Variants in PPM1E observed in about 807,000 individuals in gnomAD.
PPM1E encodes protein phosphatase, Mg2+/Mn2+ dependent 1E.
Under a neutral mutation model 65.9 loss-of-function variants are expected in PPM1E, and 20 were observed. That is an observed-to-expected ratio of 0.30 (90% CI 0.21 to 0.44). The LOEUF (loss-of-function observed/expected upper bound fraction) is 0.44. Ranked by LOEUF, PPM1E falls within the 20% of genes least tolerant of loss-of-function variation. The pLI is 1.00. For missense variants in PPM1E, 713 were observed against 953.1 expected (o/e 0.75, Z 3.32); for synonymous variants, 352 against 374.9 (o/e 0.94, Z 0.70).
At chr17:58,789,143 A>G (rs560414950) in intron 1 of PPM1E, among the ~76,000 whole-genome samples, 1 of 152,318 alleles carries the variant, frequency 6.6e-6, no homozygotes, top group African/African-American at 2.4e-5. Context: ...TTTCTCTAGA[A>G]GTTTGTTTAT....
At chr17:58,802,681 T>C (rs2050269905) in intron 1 of PPM1E, among the ~76,000 whole-genome samples, 2 of 152,212 alleles carry the variant, frequency 1.3e-5, no homozygotes, top group Admixed American at 1.3e-4. Flanking sequence ...AGGATATCTT[T>C]CCATTTATTT....
chr17:58,763,107 T>TATATTAA (rs1255485519), intron 1 of PPM1E, among the ~76,000 whole-genome samples: 3 of 152,130 alleles, frequency 2.0e-5, no homozygotes, highest in Non-Finnish European at 4.4e-5. Context: ...AAGTTAATAC[T>TATATTAA]GACTGCTCTA....
intron 1 of PPM1E, among the ~76,000 whole-genome samples, chr17:58,938,975 AG>A (rs1176745707): frequency 6.6e-6 from 1 of 151,814 alleles, no homozygotes; most frequent in Non-Finnish European, 1.5e-5. Context: ...TTTAGTAAAG[AG>A]GGGGTTTCAC....
intron 1 of PPM1E, among the ~76,000 whole-genome samples, chr17:58,920,872 C>G (rs1182084305): frequency 2.6e-5 from 4 of 151,890 alleles, no homozygotes; most frequent in Non-Finnish European, 5.9e-5. Flanking sequence ...AGGACTGAAC[C>G]CTGGGCATTA....
chr17:58,905,723 A>C (rs2051550975), intron 1 of PPM1E, among the ~76,000 whole-genome samples: 1 of 152,052 alleles, frequency 6.6e-6, no homozygotes, highest in African/African-American at 2.4e-5. Flanking sequence ...AGTCTCATAG[A>C]ATGAGTTAAG....
Position 58,805,266 on chromosome 17 carries a change from T to C in PPM1E, c.464+48805T>C, listed in dbSNP as rs1020146839. Among the ~76,000 whole-genome samples, 7 of 152,294 alleles carry C rather than the reference T, an allele frequency of 4.6e-5. No homozygotes were observed. The East Asian group carries it at 1.4e-3, about 29-fold the overall frequency. Reference sequence around the variant, plus strand: ...GTGTAGTCTTTCTTTTTTCTTTTTTTTGATACAGAGTTTCACTCTCGTTGC... The same window carrying C: ...GTGTAGTCTTTCTTTTTTCTTTTTTCTGATACAGAGTTTCACTCTCGTTGC... On this transcript the variant is annotated intron_variant, in intron 1 of 6. Transcript: ENST00000308249.
intron 1 of PPM1E, among the ~76,000 whole-genome samples, chr17:58,914,379 C>A (rs148149847): frequency 1.3e-5 from 2 of 152,182 alleles, no homozygotes; most frequent in South Asian, 2.1e-4. Context: ...TTTATTTATT[C>A]TTTTGCAGTC....
At chr17:58,911,968 T>G (rs117327491) in intron 1 of PPM1E, among the ~76,000 whole-genome samples, 1,769 of 152,312 alleles carry the variant, frequency 0.012, 17 homozygotes, top group Middle Eastern at 0.041. Context: ...TTCTGGCCTC[T>G]GCGAGAGCAC....
intron 1 of PPM1E, among the ~76,000 whole-genome samples, chr17:58,801,244 GAA>G (rs2050255170): frequency 6.6e-6 from 1 of 151,926 alleles, no homozygotes; most frequent in Non-Finnish European, 1.5e-5. Flanking sequence ...GGAGAGTGTT[GAA>G]ATCTCCAATT....
chr17:58,816,782 ATATATATATATATTTTT>A (rs1170362032), intron 1 of PPM1E, among the ~76,000 whole-genome samples: 2 of 8,556 alleles, frequency 2.3e-4, no homozygotes, highest in Non-Finnish European at 4.4e-4. Flanking sequence ...ATATATATAT[ATATATATATATATTTTT>A]TTTTTTTTTT....
intron 1 of PPM1E, among the ~76,000 whole-genome samples, chr17:58,824,809 C>T (rs892652187): frequency 3.4e-4 from 51 of 150,792 alleles, no homozygotes; most frequent in Admixed American, 1.3e-3. Context: ...AGAGTTTCAC[C>T]GTGTTAGCCA....
chr17:58,918,854 C>T (rs1054894025), intron 1 of PPM1E, among the ~76,000 whole-genome samples: 3 of 128,492 alleles, frequency 2.3e-5, no homozygotes, highest in Middle Eastern at 4.5e-3. Flanking sequence ...TGAATAGAAA[C>T]GTTTATTCAG....
At chr17:58,822,018 G>A (rs1172854846) in intron 1 of PPM1E, among the ~76,000 whole-genome samples, 3 of 152,310 alleles carry the variant, frequency 2.0e-5, no homozygotes, top group African/African-American at 7.2e-5. Context: ...TCGTTTTAAA[G>A]CATAAGTTGT....
At chr17:58,959,005 T>G (rs1356212171) in intron 2 of PPM1E, among the ~76,000 whole-genome samples, 1 of 151,952 alleles carries the variant, frequency 6.6e-6, no homozygotes, top group Non-Finnish European at 1.5e-5. Flanking sequence ...GTCTTAGTTG[T>G]CAACATAAAA....
chr17:58,946,631 GTTTGT>G (rs753066734), intron 1 of PPM1E, among the ~76,000 whole-genome samples: 3 of 151,882 alleles, frequency 2.0e-5, no homozygotes, highest in Non-Finnish European at 2.9e-5. Flanking sequence ...TTTTGTTGTT[GTTTGT>G]TTTGAGACAG....
At chr17:58,967,597 T>C (rs2030337054) in intron 3 of PPM1E, among the ~76,000 whole-genome samples, 1 of 151,666 alleles carries the variant, frequency 6.6e-6, no homozygotes, top group Admixed American at 6.6e-5. Context: ...TTTCCTTTGT[T>C]ATTAGTCTAA....
chr17:58,769,976 G>A (rs1479582241), intron 1 of PPM1E, among the ~76,000 whole-genome samples: 1 of 152,000 alleles, frequency 6.6e-6, no homozygotes, highest in Non-Finnish European at 1.5e-5. Flanking sequence ...ATAGTGAACT[G>A]AGATTGTGCC....
intron 1 of PPM1E, among the ~76,000 whole-genome samples, chr17:58,780,105 T>C (rs1313801599): frequency 6.6e-6 from 1 of 152,274 alleles, no homozygotes. Context: ...TAGATTTTCC[T>C]GGAATTGAGG....
At chr17:58,889,035 A>T (rs1187827319) in intron 1 of PPM1E, among the ~76,000 whole-genome samples, 1 of 152,216 alleles carries the variant, frequency 6.6e-6, no homozygotes, top group Non-Finnish European at 1.5e-5. Context: ...AATTTGAATT[A>T]CATTCTTCAA....
Sources: allele counts gnomAD v4.1 joint callset (sites outside exome capture counted in the v4.1 genomes callset), GRCh38; gene constraint gnomAD v4.1.1; transcripts MANE v1.5; gene names NCBI Gene and HGNC (gene_info 2026-07-23, HGNC 2026-07-21).